The following SGCD variants were observed in gnomAD, a reference collection of about 807,000 sequenced individuals.
The protein encoded by SGCD is delta-sarcoglycan.
In SGCD, 18 loss-of-function variants were observed where a neutral mutation model predicts 36.6. That is an observed-to-expected ratio of 0.49 (90% CI 0.34 to 0.73). The LOEUF is 0.73. Among genes scored for constraint, SGCD ranks in the 30% least tolerant of loss-of-function variants. The probability of loss-of-function intolerance (pLI) is 0.01; values close to 1 mark genes in which losing one functional copy is unlikely to be tolerated. For synonymous variants in SGCD, 133 were observed against 130.6 expected (o/e 1.02, Z -0.12); for missense variants, 387 against 346.7 (o/e 1.12, Z -0.92).
At chr5:156,219,699 T>C (rs1325889021) in intron 3 of SGCD, among the ~76,000 whole-genome samples, 1 of 152,204 alleles carries the variant, frequency 6.6e-6, no homozygotes, top group East Asian at 1.9e-4. Flanking sequence ...CTCTTAGTGA[T>C]ATAGCTACAA....
chr5:155,833,842 G>A, the SGCD span, among the ~76,000 whole-genome samples: 3 of 152,154 alleles, frequency 2.0e-5, no homozygotes, highest in African/African-American at 7.2e-5. Context: ...TTTTAGATCA[G>A]GTCAACCTAT....
At chr5:156,357,174 A>G (rs1249849620) in intron 3 of SGCD, among the ~76,000 whole-genome samples, 1 of 152,154 alleles carries the variant, frequency 6.6e-6, no homozygotes, top group African/African-American at 2.4e-5. Context: ...ACCTGTATTG[A>G]ACATTGTTTG....
chr5:156,251,200 A>G (rs1349803398), intron 3 of SGCD, among the ~76,000 whole-genome samples: 1 of 152,232 alleles, frequency 6.6e-6, no homozygotes, highest in African/African-American at 2.4e-5. Context: ...CGTTTTAGGC[A>G]GCAGAATTAC....
chr5:156,320,097 A>ATGTGTGTG (rs10535885), intron 3 of SGCD, among the ~76,000 whole-genome samples: 2,389 of 146,174 alleles, frequency 0.016, 50 homozygotes, highest in African/African-American at 0.049. Context: ...AGCCTTTGAT[A>ATGTGTGTG]TGTGTGTGTG....
intron 7 of SGCD, among the ~76,000 whole-genome samples, chr5:156,716,189 A>G (rs1184611497): frequency 6.6e-6 from 1 of 152,180 alleles, no homozygotes; most frequent in Non-Finnish European, 1.5e-5. Flanking sequence ...ACTAACTTTG[A>G]TGTTGATGAT....
intron 4 of SGCD, among the ~76,000 whole-genome samples, chr5:156,518,945 A>G (rs1025524183): frequency 2.0e-5 from 3 of 152,170 alleles, no homozygotes; most frequent in Non-Finnish European, 4.4e-5. Context: ...TAAAAGAACT[A>G]GAGAACCAAG....
At chr5:156,735,359 C>A (rs1756299513) in intron 7 of SGCD, among the ~76,000 whole-genome samples, 1 of 152,174 alleles carries the variant, frequency 6.6e-6, no homozygotes, top group South Asian at 2.1e-4. Context: ...CCAAACAGCA[C>A]AGATGGCAGC....
rs865860766 is a variant in SGCD, at chr5:156,079,210, A to G, written c.-281-38668A>G. Among the ~76,000 whole-genome samples, 4 of 152,070 alleles carry G rather than the reference A, an allele frequency of 2.6e-5. 1 individual carries two copies. The highest frequency in any genetic ancestry group is 5.9e-5 in the Non-Finnish European group (4 of 68,026). On this transcript the variant is annotated intron_variant, in intron 1 of 9. Coordinates refer to the SGCD transcript ENST00000517913. The stretch of plus-strand genomic sequence containing the variant: ...CTCTAAACAACCAGATCTCTTGGGT[A>G]TTCACTGTTGTGAGGACAGCACTGA...
chr5:156,567,373 G>GATAA (rs199772807), intron 4 of SGCD, among the ~76,000 whole-genome samples: 6,109 of 128,932 alleles, frequency 0.047, 207 homozygotes, highest in Admixed American at 0.08. Context: ...GGGATGGATA[G>GATAA]ATAAATAGAT....
chr5:155,849,242 G>A, the SGCD span, among the ~76,000 whole-genome samples: 13 of 152,178 alleles, frequency 8.5e-5, no homozygotes, highest in East Asian at 3.9e-4. Context: ...GCTAATGTTC[G>A]TTCTCTCTCT....
intron 6 of SGCD, among the ~76,000 whole-genome samples, chr5:156,620,626 C>G (rs1303446792): frequency 6.6e-6 from 1 of 152,048 alleles, no homozygotes; most frequent in South Asian, 2.1e-4. Context: ...AGTTTGACTT[C>G]GCAAGTGCAA....
At chr5:156,037,045 G>A (rs1456492880) in intron 1 of SGCD, among the ~76,000 whole-genome samples, 1 of 152,162 alleles carries the variant, frequency 6.6e-6, no homozygotes, top group Non-Finnish European at 1.5e-5. Flanking sequence ...TTTGAAGACT[G>A]AATGAGAGTT....
rs936355044 is a variant in SGCD, at chr5:156,611,307, C to T, written c.502+16256C>T. Among the ~76,000 whole-genome samples the T allele has an allele frequency of 1.3e-4, 20 of 152,134 alleles. 1 individual carries two copies. The highest frequency in any genetic ancestry group is 6.5e-4 in the Admixed American group (10 of 15,276). On this transcript the variant is annotated intron_variant, in intron 6 of 8. Coordinates refer to ENST00000337851, the MANE Select transcript of SGCD (RefSeq NM_000337.6). ...CTTAAGGATTTTTTGTAAGTTATGA[C>T]GAATTCCCTCAGCTTTTGCTTGTGT... is the stretch of plus-strand genomic sequence containing the variant.
At chr5:156,447,497 C>T (rs1339577996) in intron 3 of SGCD, among the ~76,000 whole-genome samples, 2 of 152,012 alleles carry the variant, frequency 1.3e-5, no homozygotes, top group African/African-American at 4.8e-5. Context: ...CTTGGTGTGC[C>T]TCATAGAATA....
chr5:156,186,132 A>T (rs73811535), intron 3 of SGCD, among the ~76,000 whole-genome samples: 9,566 of 151,862 alleles, frequency 0.063, 718 homozygotes, highest in African/African-American at 0.18. Flanking sequence ...CTAATTTATT[A>T]ATTTACAAAA....
At chr5:156,650,389 A>G (rs1763414448) in intron 7 of SGCD, among the ~76,000 whole-genome samples, 1 of 152,106 alleles carries the variant, frequency 6.6e-6, no homozygotes, top group South Asian at 2.1e-4. Context: ...GGTTTGTTAC[A>G]TGAGTATGTT....
intron 7 of SGCD, among the ~76,000 whole-genome samples, chr5:156,698,881 AG>A (rs1754424223): frequency 6.6e-6 from 1 of 150,538 alleles, no homozygotes; most frequent in Admixed American, 6.6e-5. Flanking sequence ...ACACACACAC[AG>A]CATTTAGTAT....
At chr5:155,777,842 A>G in the SGCD span, among the ~76,000 whole-genome samples, 1 of 151,840 alleles carries the variant, frequency 6.6e-6, no homozygotes, top group Non-Finnish European at 1.5e-5. Context: ...CAATGTTCCC[A>G]TTTCTTCTGT....
intron 3 of SGCD, among the ~76,000 whole-genome samples, chr5:156,245,280 T>G (rs993211610): frequency 1.1e-4 from 16 of 152,328 alleles, no homozygotes; most frequent in African/African-American, 3.8e-4. Context: ...GTGTTAAACA[T>G]TCTTTCTTGT....
Sources: allele counts gnomAD v4.1 joint callset (sites outside exome capture counted in the v4.1 genomes callset), GRCh38; gene constraint gnomAD v4.1.1; transcripts MANE v1.5; gene names NCBI Gene and HGNC (gene_info 2026-07-23, HGNC 2026-07-21).